The following CCDC85C variants were observed in gnomAD, a reference collection of about 807,000 sequenced individuals.
CCDC85C encodes the protein coiled-coil domain-containing protein 85C.
CCDC85C carries 18 observed loss-of-function variants against 38.3 expected under a neutral mutation model. That is an observed-to-expected ratio of 0.47 (90% confidence interval 0.33 to 0.70). The LOEUF is 0.70. Among genes scored for constraint, CCDC85C ranks in the 30% least tolerant of loss-of-function variants. The pLI, the probability that CCDC85C is intolerant of heterozygous loss-of-function variation, is 0.03. For synonymous variants in CCDC85C, 264 were observed against 293.8 expected (o/e 0.90, Z 1.04); for missense variants, 566 against 621.2 (o/e 0.91, Z 0.94).
chr14:99,580,194 G>T (rs1415235017), intron 1 of CCDC85C: 1 of 447,544 alleles, frequency 2.2e-6, no homozygotes, highest in Non-Finnish European at 4.5e-6. Flanking sequence ...GGTGGCTCAG[G>T]TGTGGCCCCG....
At chr14:99,589,317 C>T (rs762361037) in intron 1 of CCDC85C, among the ~76,000 whole-genome samples, 2 of 152,150 alleles carry the variant, frequency 1.3e-5, no homozygotes, top group Admixed American at 6.5e-5. Context: ...CCCAGGGTAA[C>T]CAGCACCCGC....
chr14:99,501,077 A>G lies in CCDC85C; in HGVS notation c.*14169T>C, dbSNP rs1262455051. 1 of 602,124 alleles carries G rather than the reference A, an allele frequency of 1.7e-6. No homozygotes were observed. Among genetic ancestry groups the G allele is most frequent in the Admixed American group, 3.2e-5 (1 of 31,092 alleles). The allele number at this position is 602,124 out of a possible 1,614,324, so 37.3% of individuals were successfully genotyped here. On this transcript the variant is annotated 3_prime_UTR_variant, in exon 6 of 6. Coordinates refer to ENST00000380243, the MANE Select transcript of CCDC85C (RefSeq NM_001144995.2). ...AACAGGCTCTGTCATCCAGTTGCCA[A>G]GTGATGGGAGAGGCAGGAAAATGAG... is the stretch of plus-strand genomic sequence containing the variant.
At chr14:99,581,323 A>C (rs1368384023) in intron 1 of CCDC85C, among the ~76,000 whole-genome samples, 1 of 152,236 alleles carries the variant, frequency 6.6e-6, no homozygotes, top group African/African-American at 2.4e-5. Flanking sequence ...TGCCACACCA[A>C]GCTGGTCAGA....
chr14:99,541,397 T>G (rs12436565), intron 1 of CCDC85C, among the ~76,000 whole-genome samples: 66,897 of 152,136 alleles, frequency 0.44, 15,632 homozygotes, highest in South Asian at 0.59. Flanking sequence ...CATCTGACTC[T>G]GCGGTGCCTG....
intron 2 of CCDC85C, among the ~76,000 whole-genome samples, chr14:99,523,552 C>T (rs1055814635): frequency 8.5e-5 from 13 of 152,182 alleles, no homozygotes; most frequent in Non-Finnish European, 1.8e-4. Flanking sequence ...AGCAGGGATC[C>T]GGCACTGACT....
At chr14:99,541,500 G>T (rs540456621) in intron 1 of CCDC85C, among the ~76,000 whole-genome samples, 2 of 152,328 alleles carry the variant, frequency 1.3e-5, no homozygotes, top group African/African-American at 2.4e-5. Flanking sequence ...TGGGTTATGT[G>T]GGTGGCAACC....
chr14:99,591,566 G>A (rs1421894302), intron 1 of CCDC85C, among the ~76,000 whole-genome samples: 1 of 149,324 alleles, frequency 6.7e-6, no homozygotes, highest in Non-Finnish European at 1.5e-5. Flanking sequence ...CAGGAGGCAG[G>A]ACGGGGGGGC....
At chr14:99,566,197 C>T (rs537151609) in intron 1 of CCDC85C, among the ~76,000 whole-genome samples, 4 of 152,336 alleles carry the variant, frequency 2.6e-5, no homozygotes, top group African/African-American at 4.8e-5. Context: ...ACCACCCACT[C>T]GGTGGACGAC....
At position 99,503,959 on chromosome 14, in the gene CCDC85C, A is replaced by C; in HGVS notation, c.*11287T>G. On this transcript the variant is annotated 3_prime_UTR_variant, in exon 6 of 6. Transcript: ENST00000380243. ...TTATTTTTAGAGACTATTTACCCCC[A>C]TCACAGCAGCAGGAGTCCTCTCCCA... The C allele has an allele frequency of 2.2e-5, 8 of 365,354 alleles. No individual in the cohort carries two copies. The highest frequency in any genetic ancestry group is 1.4e-4 in the East Asian group (2 of 14,716). 22.6% of individuals were successfully genotyped at this position (365,354 alleles called of 1,614,324 possible).
intron 3 of CCDC85C, among the ~76,000 whole-genome samples, chr14:99,518,303 C>T (rs967370545): frequency 2.0e-5 from 3 of 152,232 alleles, no homozygotes; most frequent in South Asian, 4.1e-4. Context: ...GACCGGCTCC[C>T]GCCTCCACAT....
intron 1 of CCDC85C, among the ~76,000 whole-genome samples, chr14:99,554,788 G>C (rs1382538196): frequency 6.6e-6 from 1 of 152,238 alleles, no homozygotes; most frequent in African/African-American, 2.4e-5. Flanking sequence ...GGCACCCACA[G>C]TGAGTGGAGT....
Position 99,603,659 on chromosome 14 carries a change from G to C in CCDC85C, c.301C>G (p.Leu101Val), listed in dbSNP as rs1050170932. 4 of 1,489,492 alleles carry C rather than the reference G, an allele frequency of 2.7e-6. No homozygotes were observed. Among genetic ancestry groups the C allele is most frequent in the Middle Eastern group, 1.8e-4 (1 of 5,478 alleles). The allele number at this position is 1,489,492 out of a possible 1,614,324, so 92.3% of individuals were successfully genotyped here. ...CCGAAGCGCTGCCACTCGCGCGCCA[G>C]CTTGCGCCCCTTCTGCCGGTCGTCG... ...LDDDRQKGRK[L>V]AREWQRFGRH... Residue 101 changes from leucine to valine, a missense_variant, in exon 1 of 6, where the codon CTG becomes GTG. Leu to Val is a conservative substitution (Grantham distance 32). Coordinates refer to ENST00000380243, the MANE Select transcript of CCDC85C (RefSeq NM_001144995.2). This position sits in a 1 kb window ranked among gnomAD's most constrained non-coding sequence, Gnocchi z 7.5.
At chr14:99,598,490 G>T (rs913767953) in intron 1 of CCDC85C, among the ~76,000 whole-genome samples, 1 of 152,142 alleles carries the variant, frequency 6.6e-6, no homozygotes, top group African/African-American at 2.4e-5. Flanking sequence ...AAGAGATGGG[G>T]AGCCACAGCC....
intron 1 of CCDC85C, among the ~76,000 whole-genome samples, chr14:99,575,172 C>T (rs911386724): frequency 2.0e-5 from 3 of 152,328 alleles, no homozygotes; most frequent in South Asian, 2.1e-4. Flanking sequence ...CCTGAGTTCC[C>T]GTACACAGGA....
intron 1 of CCDC85C, among the ~76,000 whole-genome samples, chr14:99,578,601 C>A (rs1253797549): frequency 6.6e-6 from 1 of 152,232 alleles, no homozygotes; most frequent in Non-Finnish European, 1.5e-5. Flanking sequence ...GCCTCCACAG[C>A]CTGCACCCTC....
In CCDC85C at chr14:99,516,102, C is replaced by T; in HGVS notation, c.1170+86G>A. 1.9e-6 allele frequency: 2 copies of T among 1,045,148 alleles called. No individual in the cohort carries two copies. Among genetic ancestry groups the T allele is most frequent in the Non-Finnish European group, 1.4e-6 (1 of 692,164 alleles). The allele number at this position is 1,045,148 out of a possible 1,614,324, so 64.7% of individuals were successfully genotyped here. A position where few individuals can be genotyped will look rare whatever the true frequency, so the allele number is the denominator to read the frequency against. On this transcript the variant is annotated intron_variant, in intron 5 of 5. Coordinates refer to ENST00000380243, the MANE Select transcript of CCDC85C (RefSeq NM_001144995.2). This position sits in a 1 kb window ranked among gnomAD's most constrained non-coding sequence, Gnocchi z 5.5. ...GCTGAGCATTCGAGAAATGGAGTCC[C>T]ACATGGGGAAGGGTATGGCCATGCT...
At chr14:99,532,037 C>T (rs1200091860) in intron 2 of CCDC85C, among the ~76,000 whole-genome samples, 1 of 152,234 alleles carries the variant, frequency 6.6e-6, no homozygotes, top group Admixed American at 6.5e-5. Context: ...CCCCAAGACA[C>T]ATCCACCCAG....
chr14:99,531,881 C>T (rs1170052509), intron 2 of CCDC85C, among the ~76,000 whole-genome samples: 1 of 152,250 alleles, frequency 6.6e-6, no homozygotes, highest in Non-Finnish European at 1.5e-5. Context: ...CAAACATAGT[C>T]ACCCAGCCAT....
At chr14:99,583,667 G>A (rs1276125680) in intron 1 of CCDC85C, among the ~76,000 whole-genome samples, 2 of 151,964 alleles carry the variant, frequency 1.3e-5, no homozygotes, top group Non-Finnish European at 2.9e-5. Flanking sequence ...CATTAGCCGG[G>A]CATGGTGACA....
Sources: gnomAD v4.1 joint callset for allele counts (sites outside exome capture counted in the v4.1 genomes callset) on GRCh38, gnomAD v4.1.1 for gene constraint, Gnocchi (gnomAD v3.1) non-coding constraint, MANE v1.5 for transcripts, NCBI Gene and HGNC (gene_info 2026-07-23, HGNC 2026-07-21) for gene names.